Variants in CIT observed in about 807,000 individuals in gnomAD.
CIT encodes citron rho-interacting serine/threonine kinase, also known as citron Rho-interacting kinase.
Under a neutral mutation model 272.7 loss-of-function variants are expected in CIT, and 79 were observed. That is an observed-to-expected ratio of 0.29 (90% confidence interval 0.24 to 0.35). The LOEUF is 0.35. Ranked by LOEUF, CIT falls within the 10% of genes least tolerant of loss-of-function variation. The pLI, the probability that CIT is intolerant of heterozygous loss-of-function variation, is 1.00. For missense variants in CIT, 1,909 were observed against 2,618.3 expected (o/e 0.73, Z 5.91); for synonymous variants, 948 against 995.6 (o/e 0.95, Z 0.90).
intron 10 of CIT, among the ~76,000 whole-genome samples, chr12:119,796,656 G>A (rs1321578336): frequency 6.6e-6 from 1 of 152,158 alleles, no homozygotes; most frequent in East Asian, 1.9e-4. Flanking sequence ...AGTGTACGAT[G>A]GGAGGAGGCC....
At chr12:119,751,982 A>G in intron 23 of CIT, 68 bp downstream of exon 23, 1 of 1,360,222 alleles carries the variant, frequency 7.4e-7, no homozygotes, top group Non-Finnish European at 1.0e-6. Context: ...CAGTATACTC[A>G]GTGCCAGTTC....
chr12:119,801,507 CCCT>C (rs1360506728), intron 10 of CIT, among the ~76,000 whole-genome samples: 1 of 152,198 alleles, frequency 6.6e-6, no homozygotes, highest in Non-Finnish European at 1.5e-5. Flanking sequence ...CTCGAATCCT[CCCT>C]CGTCTTTCAG....
At chr12:119,839,487 G>C (rs1969252388) in intron 5 of CIT, among the ~76,000 whole-genome samples, 1 of 152,224 alleles carries the variant, frequency 6.6e-6, no homozygotes, top group Non-Finnish European at 1.5e-5. Flanking sequence ...TTTGGCATGA[G>C]GGAGGAGAGA....
intron 19 of CIT, among the ~76,000 whole-genome samples, chr12:119,765,158 GA>G (rs1962268130): frequency 6.6e-6 from 1 of 151,830 alleles, no homozygotes; most frequent in African/African-American, 2.4e-5. Context: ...GACAATATTT[GA>G]GATATAATGA....
At chr12:119,847,813 C>T (rs959925812) in intron 5 of CIT, among the ~76,000 whole-genome samples, 3 of 152,138 alleles carry the variant, frequency 2.0e-5, no homozygotes, top group Admixed American at 6.6e-5. Flanking sequence ...ATCGCTTGAA[C>T]CCAGGAGGTG....
intron 5 of CIT, among the ~76,000 whole-genome samples, chr12:119,848,001 A>C (rs1969939518): frequency 6.6e-6 from 1 of 152,198 alleles, no homozygotes. Context: ...TCTGCAACAG[A>C]TGTCCTGGAA....
At chr12:119,721,479 T>C (rs755798586) in intron 28 of CIT, 30 bp from the exon 29 acceptor site, 1 of 1,588,438 alleles carries the variant, frequency 6.3e-7, no homozygotes, top group South Asian at 1.1e-5. Context: ...GGGAAATGCT[T>C]GATACTGCAC....
intron 9 of CIT, among the ~76,000 whole-genome samples, chr12:119,815,106 AC>A (rs1799367852): frequency 6.8e-5 from 1 of 14,672 alleles, no homozygotes; most frequent in African/African-American, 3.7e-4. Context: ...CACACACACA[AC>A]ACACACACAC....
chr12:119,728,654 A>C lies in CIT; in HGVS notation c.3487-48T>G, dbSNP rs771446312. ...ATAATGCCACACTTAGGAATGTTAG[A>C]TGCTGACAACGTTTATGAATGTCCA... On this transcript the variant is annotated intron_variant, in intron 27 of 47. Transcript: ENST00000392521. This position sits in a 1 kb window ranked among gnomAD's most constrained non-coding sequence, Gnocchi z 4.3. The C allele has an allele frequency of 1.6e-6, 2 of 1,259,676 alleles. No individual in the cohort carries two copies. The highest frequency in any genetic ancestry group is 2.3e-6 in the Non-Finnish European group (2 of 870,606). 78.0% of individuals were successfully genotyped at this position (1,259,676 alleles called of 1,614,324 possible). A position where few individuals can be genotyped will look rare whatever the true frequency, so the allele number is the denominator to read the frequency against.
At chr12:119,721,254 A>G in intron 29 of CIT, 55 bp downstream of exon 29, 3 of 1,521,798 alleles carry the variant, frequency 2.0e-6, no homozygotes, top group Non-Finnish European at 2.7e-6. Context: ...GGCATGAGCC[A>G]CTGCGCCCAG....
At chr12:119,823,068 CTT>C (rs369299052) in intron 8 of CIT, 95 bp from the exon 9 acceptor site, 1 of 1,307,548 alleles carries the variant, frequency 7.6e-7, no homozygotes, top group Non-Finnish European at 1.0e-6. Flanking sequence ...ATGCAAGTTT[CTT>C]TTTTTTTGTT....
intron 44 of CIT, among the ~76,000 whole-genome samples, chr12:119,699,060 G>A (rs886903910): frequency 2.0e-5 from 3 of 152,076 alleles, no homozygotes; most frequent in Non-Finnish European, 2.9e-5. Flanking sequence ...TTCAAGACCA[G>A]CCTGGCCAAC....
In CIT at chr12:119,784,908, C is replaced by T. The variant is rs1357449156; in HGVS notation, c.1401+52G>A. On this transcript the variant is annotated intron_variant, in intron 11 of 47. Coordinates refer to ENST00000392521, the MANE Select transcript of CIT (RefSeq NM_001206999.2). This position sits in a 1 kb window ranked among gnomAD's most constrained non-coding sequence, Gnocchi z 4.7. ...CCCCGGGCGGATCCCTTGGCATATA[C>T]GGACGGGAGGATCCTGGAGCAAGGA... 26 of 1,601,612 alleles carry T rather than the reference C, an allele frequency of 1.6e-5. No homozygotes were observed. Among genetic ancestry groups the T allele is most frequent in the South Asian group, 2.2e-5 (2 of 89,136 alleles).
intron 22 of CIT, among the ~76,000 whole-genome samples, chr12:119,756,329 C>T (rs998363930): frequency 6.6e-6 from 1 of 152,310 alleles, no homozygotes. Flanking sequence ...AAAGCAAGAA[C>T]GCACTCCACA....
chr12:119,838,821 G>A (rs576757510), intron 5 of CIT, among the ~76,000 whole-genome samples: 1 of 152,254 alleles, frequency 6.6e-6, no homozygotes, highest in Non-Finnish European at 1.5e-5. Context: ...TACAAGGACT[G>A]GAGATGTCTC....
chr12:119,869,064 C>G lies in CIT; in HGVS notation c.234G>C (p.Arg78=). Residue 78 remains arginine, a synonymous_variant, in exon 3 of 48, where the codon CGG becomes CGC. Transcript: ENST00000392521. ...MKIKHVSNFV[R]KYSDTIAELQ... is the part of the protein sequence containing the mutation. ...GAAAAAGTTCCCCAAACTTACACTTCCGGACAAAGTTGCTCACGTGCTTAA... is the reference window on the plus strand; with the variant it reads ...GAAAAAGTTCCCCAAACTTACACTTGCGGACAAAGTTGCTCACGTGCTTAA... 1 of 1,609,984 alleles carries G rather than the reference C, an allele frequency of 6.2e-7. No individual in the cohort carries two copies. Among genetic ancestry groups the G allele is most frequent in the Non-Finnish European group, 8.5e-7 (1 of 1,179,274 alleles).
At chr12:119,731,813 A>AATATATATACATATATATAT (rs1369952457) in intron 26 of CIT, among the ~76,000 whole-genome samples, 1 of 139,130 alleles carries the variant, frequency 7.2e-6, no homozygotes, top group African/African-American at 2.8e-5. Context: ...TTCTCTCCTA[A>AATATATATACATATATATAT]ATATATATAT....
chr12:119,846,078 T>C (rs1969785901), intron 5 of CIT, among the ~76,000 whole-genome samples: 1 of 152,006 alleles, frequency 6.6e-6, no homozygotes, highest in Admixed American at 6.6e-5. Context: ...GCCCAGATAG[T>C]ACCCTCCTGA....
chr12:119,796,804 A>T (rs766219747), intron 10 of CIT, among the ~76,000 whole-genome samples: 13 of 152,246 alleles, frequency 8.5e-5, no homozygotes, highest in Non-Finnish European at 1.8e-4. Context: ...AGTGAGAATG[A>T]CAGTCAGAGA....
Sources: allele counts gnomAD v4.1 joint callset (sites outside exome capture counted in the v4.1 genomes callset), GRCh38; gene constraint gnomAD v4.1.1; non-coding constraint Gnocchi (gnomAD v3.1); transcripts MANE v1.5; gene names NCBI Gene and HGNC (gene_info 2026-07-23, HGNC 2026-07-21).